The following INTS3 variants were observed in gnomAD, a reference collection of about 807,000 sequenced individuals.
The protein encoded by INTS3 is integrator complex subunit 3.
Under a neutral mutation model 146.3 loss-of-function variants are expected in INTS3, and 34 were observed. The observed-to-expected ratio is 0.23, with a 90% CI of 0.18 to 0.31. The LOEUF (loss-of-function observed/expected upper bound fraction) is 0.31. Among genes scored for constraint, INTS3 ranks in the 10% least tolerant of loss-of-function variants. INTS3 has a pLI of 1.00. For synonymous variants in INTS3, 475 were observed against 494.9 expected (o/e 0.96, Z 0.53); for missense variants, 757 against 1,304.2 (o/e 0.58, Z 6.46).
chr1:153,759,658 G>GC lies in INTS3; in HGVS notation c.1237+50dup, dbSNP rs542447315. 54 of 1,206,870 alleles carry GC rather than the reference G, an allele frequency of 4.5e-5. 1 individual carries two copies. In the South Asian group the frequency reaches 5.6e-4, roughly 12 times the overall value. 74.8% of individuals were successfully genotyped at this position (1,206,870 alleles called of 1,614,324 possible). A position where few individuals can be genotyped will look rare whatever the true frequency, so the allele number is the denominator to read the frequency against. On this transcript the variant is annotated intron_variant, in intron 11 of 29. Coordinates refer to ENST00000318967, the MANE Select transcript of INTS3 (RefSeq NM_023015.5). The stretch of plus-strand genomic sequence containing the variant: ...CGGCTCCACTTCCCCATCCCCCTAA[G>GC]CCCCCACTGCCTTCCTTAGTGATAG...
chr1:153,759,466 C>G, intron 10 of INTS3, 60 bp from the exon 11 acceptor site: 4 of 1,151,218 alleles, frequency 3.5e-6, no homozygotes, highest in Non-Finnish European at 5.3e-6. Flanking sequence ...TCTTGGGACT[C>G]TGAAATGGAG....
intron 1 of INTS3, among the ~76,000 whole-genome samples, chr1:153,733,845 C>T (rs910887770): frequency 2.6e-5 from 4 of 151,448 alleles, no homozygotes; most frequent in Admixed American, 6.6e-5. Flanking sequence ...CCTCGTGATT[C>T]GCCCCCCTCA....
intron 7 of INTS3, 125 bp from the exon 8 acceptor site, chr1:153,752,154 A>G: frequency 1.0e-6 from 1 of 965,112 alleles, no homozygotes. Flanking sequence ...AGAAGAAATC[A>G]TAGTTTCTTC....
chr1:153,733,724 C>G (rs1671178708), intron 1 of INTS3, among the ~76,000 whole-genome samples: 1 of 151,960 alleles, frequency 6.6e-6, no homozygotes, highest in African/African-American at 2.4e-5. Context: ...CCTGCCTCAG[C>G]CTCCCGAGTA....
intron 3 of INTS3, among the ~76,000 whole-genome samples, chr1:153,746,176 T>C (rs1671727284): frequency 6.6e-6 from 1 of 152,264 alleles, no homozygotes; most frequent in Non-Finnish European, 1.5e-5. Context: ...TTGCTGTATC[T>C]GACTGGGTCA....
Position 153,771,808 on chromosome 1 carries a change from G to T in INTS3, c.2565G>T (p.Glu855Asp). 1.2e-6 allele frequency: 2 copies of T among 1,612,368 alleles called. No homozygotes were observed. ...CTTCCTCCCCCAGGCCCAGCGAGGA[G>T]ATGGTGAAGATGGTGCTGAGCCGGC... is the stretch of plus-strand genomic sequence containing the variant. Reference protein sequence around the residue: ...LQLRREKPSEEMVKMVLSRPC... With the variant: ...LQLRREKPSEDMVKMVLSRPC... Residue 855 changes from glutamate to aspartate, a missense_variant, in exon 26 of 30, where the codon GAG (glutamate) becomes GAT (aspartate). This residue lies in a region of INTS3 where 116 missense variants were observed against 226.5 expected (regional missense o/e 0.51). Transcript: ENST00000318967.
chr1:153,760,810 T>A lies in INTS3; in HGVS notation c.1318-17T>A. The A allele has an allele frequency of 6.2e-7, 1 of 1,603,278 alleles. No individual in the cohort carries two copies. The highest frequency in any genetic ancestry group is 8.5e-7 in the Non-Finnish European group (1 of 1,170,100). On this transcript the variant is annotated splice_polypyrimidine_tract_variant and intron_variant, in intron 12 of 29. Transcript: ENST00000318967. Reference sequence around the variant, plus strand: ...TGGAGTCCTGTGCTCATTTTTCCCCTCCTTCTTCGCTTCCAGATCATTCCC... The same window carrying A: ...TGGAGTCCTGTGCTCATTTTTCCCCACCTTCTTCGCTTCCAGATCATTCCC...
At chr1:153,731,195 TAAAC>T (rs937522380) in intron 1 of INTS3, among the ~76,000 whole-genome samples, 1 of 151,968 alleles carries the variant, frequency 6.6e-6, no homozygotes, top group South Asian at 2.1e-4. Flanking sequence ...ACAAAAACAA[TAAAC>T]AAAAGAAACT....
intron 3 of INTS3, 126 bp from the exon 4 acceptor site, chr1:153,746,831 A>T (rs1019609030): frequency 4.8e-6 from 3 of 628,952 alleles, no homozygotes; most frequent in Non-Finnish European, 8.6e-6. Context: ...AAAGTATTTC[A>T]TTGCTACTCG....
chr1:153,734,742 C>G (rs997993654), intron 1 of INTS3, among the ~76,000 whole-genome samples: 2 of 152,164 alleles, frequency 1.3e-5, no homozygotes, highest in African/African-American at 4.8e-5. Flanking sequence ...GCCCCTCCCT[C>G]TCCCCTACCT....
intron 1 of INTS3, among the ~76,000 whole-genome samples, chr1:153,740,120 G>T (rs1414078098): frequency 6.7e-6 from 1 of 150,142 alleles, no homozygotes; most frequent in East Asian, 1.9e-4. Flanking sequence ...ATTTTTTTGA[G>T]ACAGGGTCTC....
chr1:153,770,820 A>G (rs1395579350), intron 25 of INTS3, 87 bp downstream of exon 25: 7 of 1,020,970 alleles, frequency 6.9e-6, no homozygotes, highest in African/African-American at 1.6e-5. Context: ...CCTCCTCCTT[A>G]TTGCCATATT....
At chr1:153,738,813 T>C (rs563269574) in intron 1 of INTS3, among the ~76,000 whole-genome samples, 6 of 152,228 alleles carry the variant, frequency 3.9e-5, no homozygotes, top group Non-Finnish European at 7.3e-5. Context: ...AGAGCTTTCC[T>C]TTCTTGTTTA....
At chr1:153,728,874 C>CGGGGGGGGGGGGG (rs1162491286) in intron 1 of INTS3, 90 bp downstream of exon 1, 2 of 35,502 alleles carry the variant, frequency 5.6e-5, no homozygotes, top group Non-Finnish European at 1.1e-4. Flanking sequence ...GGGGTGGGGG[C>CGGGGGGGGGGGGG]GGGGGTGGAG....
chr1:153,770,078 T>G lies in INTS3; in HGVS notation c.2390-120T>G. Reference sequence around the variant, plus strand: ...ATTGGGGTGTGTGTGTGTGTGTGTGTGTGTGTGTGTGTGTGTGTGTGTGTG... The same window carrying G: ...ATTGGGGTGTGTGTGTGTGTGTGTGGGTGTGTGTGTGTGTGTGTGTGTGTG... On this transcript the variant is annotated intron_variant, in intron 23 of 29. Transcript: ENST00000318967. 2.4e-6 allele frequency: 1 copy of G among 420,386 alleles called. No individual in the cohort carries two copies. Among genetic ancestry groups the G allele is most frequent in the Non-Finnish European group, 4.1e-6 (1 of 243,616 alleles). 26.0% of individuals were successfully genotyped at this position (420,386 alleles called of 1,614,324 possible). A position where few individuals can be genotyped will look rare whatever the true frequency, so the allele number is the denominator to read the frequency against.
chr1:153,753,420 G>T (rs1557999360), intron 8 of INTS3, among the ~76,000 whole-genome samples: 1 of 151,838 alleles, frequency 6.6e-6, no homozygotes, highest in African/African-American at 2.4e-5. Flanking sequence ...AGCTGGGCAT[G>T]GTGGCACATG....
At chr1:153,761,520 T>C in intron 13 of INTS3, 50 bp from the exon 14 acceptor site, 1 of 1,354,982 alleles carries the variant, frequency 7.4e-7, no homozygotes, top group Non-Finnish European at 1.0e-6. Context: ...CAAAAAAAAA[T>C]AAAAATAAGA....
intron 7 of INTS3, chr1:153,752,063 C>T: frequency 1.8e-6 from 1 of 562,796 alleles, no homozygotes; most frequent in Non-Finnish European, 3.1e-6. Flanking sequence ...CAGCACTTCC[C>T]ACTAACCTCT....
intron 29 of INTS3, 26 bp downstream of exon 29, chr1:153,773,107 G>C (rs779010835): frequency 1.9e-6 from 3 of 1,614,076 alleles, no homozygotes; most frequent in Admixed American, 1.7e-5. Context: ...GTGCACAGGG[G>C]GAAAAGGAGC....
Sources: allele counts gnomAD v4.1 joint callset (sites outside exome capture counted in the v4.1 genomes callset), GRCh38; gene constraint gnomAD v4.1.1; regional missense constraint gnomAD v4.1.1; transcripts MANE v1.5; gene names NCBI Gene and HGNC (gene_info 2026-07-23, HGNC 2026-07-21).